ZNF721: variants seen among roughly 807,000 people sequenced by gnomAD.
The protein encoded by ZNF721 is zinc finger protein 721.
A neutral mutation model predicts 2.4 loss-of-function variants in ZNF721; 2 were observed. That is an observed-to-expected ratio of 0.82 (90% CI 0.34 to 2.58). The LOEUF is 2.58. ZNF721 is among the 30% of genes most tolerant of loss of function. The probability of loss-of-function intolerance (pLI) is 0.11; values close to 1 mark genes in which losing one functional copy is unlikely to be tolerated. For missense variants in ZNF721, 1,187 were observed against 1,085.5 expected (o/e 1.09, Z -1.31); for synonymous variants, 398 against 381.8 (o/e 1.04, Z -0.50).
At chr4:482,595 CAT>C (rs1715798062) in intron 1 of ZNF721, among the ~76,000 whole-genome samples, 2 of 152,258 alleles carry the variant, frequency 1.3e-5, no homozygotes, top group East Asian at 1.9e-4. Flanking sequence ...CTCCCAGGTT[CAT>C]ATGATTCTCC....
At chr4:460,627 C>CAAAAAA (rs199519505) in intron 2 of ZNF721, among the ~76,000 whole-genome samples, 1 of 101,386 alleles carries the variant, frequency 9.9e-6, no homozygotes, top group Non-Finnish European at 2.1e-5. Context: ...AAGACCCTTT[C>CAAAAAA]AAAAAAAAAA....
intron 1 of ZNF721, among the ~76,000 whole-genome samples, chr4:479,485 TAAG>T (rs148045108): frequency 0.024 from 3,632 of 152,108 alleles, 133 homozygotes; most frequent in African/African-American, 0.08. Context: ...ACAGGTGAAA[TAAG>T]AAGGTGTGGA....
At chr4:451,324 C>T (rs183978872) in intron 2 of ZNF721, among the ~76,000 whole-genome samples, 4 of 152,244 alleles carry the variant, frequency 2.6e-5, no homozygotes, top group Admixed American at 1.3e-4. Context: ...TATTCCTATA[C>T]GTTAGTTATT....
At chr4:459,838 A>T (rs1450950616) in intron 2 of ZNF721, among the ~76,000 whole-genome samples, 1 of 150,506 alleles carries the variant, frequency 6.6e-6, no homozygotes, top group East Asian at 2.0e-4. Flanking sequence ...CTCAAAAAAA[A>T]AAGGTGGGGG....
intron 1 of ZNF721, among the ~76,000 whole-genome samples, chr4:494,368 A>T (rs1716097668): frequency 6.6e-6 from 1 of 150,894 alleles, no homozygotes; most frequent in Non-Finnish European, 1.5e-5. Flanking sequence ...TTGTATGTTT[A>T]GTAGAGATGG....
rs554154418 is a variant in ZNF721, at chr4:491,102, T to A, written c.-94+7954A>T. ...GAGAAGAAAAATACTGACACGTGCA[T>A]CCTTACTTCTGGCTTTTGGGGGCTT... is the stretch of plus-strand genomic sequence containing the variant. On this transcript the variant is annotated intron_variant, in intron 1 of 2. Coordinates refer to ENST00000511833, the MANE Select transcript of ZNF721 (RefSeq NM_133474.4). Among the ~76,000 whole-genome samples the A allele has an allele frequency of 2.0e-5, 3 of 152,254 alleles. No homozygotes were observed. The South Asian group carries it at 6.2e-4, about 32-fold the overall frequency.
intron 2 of ZNF721, among the ~76,000 whole-genome samples, chr4:449,413 G>C (rs1714578450): frequency 6.6e-6 from 1 of 151,814 alleles, no homozygotes; most frequent in South Asian, 2.1e-4. Flanking sequence ...ATAAAACTAG[G>C]CTCCTACCTC....
At chr4:454,144 T>C (rs1273335718) in intron 2 of ZNF721, 3 of 152,252 alleles carry the variant, frequency 2.0e-5, no homozygotes, top group Non-Finnish European at 4.4e-5. Flanking sequence ...AGTAACTATA[T>C]TGCAGTCCCC....
At position 455,024 on chromosome 4, in the gene ZNF721, T is replaced by A. The variant is rs114525211; in HGVS notation, c.35-10592A>T. 5.2e-3 allele frequency among the ~76,000 whole-genome samples: 788 copies of A among 152,320 alleles called. 14 individuals carry two copies. In the South Asian group the frequency reaches 0.064, roughly 12 times the overall value. ...AGACCTCTCCTCATCTGTGCACGGA[T>A]GAATGGTGGACTCTAGAGCCCAGGC... is the stretch of plus-strand genomic sequence containing the variant. On this transcript the variant is annotated intron_variant, in intron 2 of 2. Transcript: ENST00000511833.
chr4:449,985 C>A (rs1002417611), intron 2 of ZNF721, among the ~76,000 whole-genome samples: 50 of 152,092 alleles, frequency 3.3e-4, no homozygotes, highest in Non-Finnish European at 4.7e-4. Context: ...AAATAAGTAT[C>A]ACAGGATAAC....
At position 441,446 on chromosome 4, in the gene ZNF721, T is replaced by A; in HGVS notation, c.*249A>T. 1 of 361,030 alleles carries A rather than the reference T, an allele frequency of 2.8e-6. No homozygotes were observed. The highest frequency in any genetic ancestry group is 5.0e-6 in the Non-Finnish European group (1 of 201,378). The allele number at this position is 361,030 out of a possible 1,614,324, so 22.4% of individuals were successfully genotyped here. Reference sequence around the variant, plus strand: ...GAATTGGAAGTCTTTGCCACATTTTTAATTTTAATTTGGCTTCTCATCAAT... The same window carrying A: ...GAATTGGAAGTCTTTGCCACATTTTAAATTTTAATTTGGCTTCTCATCAAT... On this transcript the variant is annotated 3_prime_UTR_variant, in exon 3 of 3. Transcript: ENST00000511833.
chr4:493,951 T>C (rs1437208142), intron 1 of ZNF721, among the ~76,000 whole-genome samples: 1 of 152,208 alleles, frequency 6.6e-6, no homozygotes, highest in Non-Finnish European at 1.5e-5. Context: ...TTTCTAATAT[T>C]ACTTTGCCAA....
chr4:492,131 C>A (rs1000262605), intron 1 of ZNF721, among the ~76,000 whole-genome samples: 2 of 151,700 alleles, frequency 1.3e-5, no homozygotes, highest in Admixed American at 1.3e-4. Context: ...CCACTGCACT[C>A]CAGTCTGGGT....
In ZNF721 at chr4:440,402, C is replaced by T. The variant is rs1236317269; in HGVS notation, c.*1293G>A. On this transcript the variant is annotated 3_prime_UTR_variant, in exon 3 of 3. Coordinates refer to ENST00000511833, the MANE Select transcript of ZNF721 (RefSeq NM_133474.4). The stretch of plus-strand genomic sequence containing the variant: ...TATTTGCTTTTGAAAAAAATTTTTA[C>T]TTTTTTCAAGTGAAAAAATATATTT... 6.6e-6 allele frequency: 1 copy of T among 152,014 alleles called. No homozygotes were observed. The highest frequency in any genetic ancestry group is 2.4e-5 in the African/African-American group (1 of 41,400). 9.4% of individuals were successfully genotyped at this position (152,014 alleles called of 1,614,324 possible).
intron 1 of ZNF721, among the ~76,000 whole-genome samples, chr4:477,523 C>T (rs1715663430): frequency 1.3e-5 from 2 of 152,094 alleles, no homozygotes; most frequent in African/African-American, 4.8e-5. Flanking sequence ...CAGGCATGAG[C>T]CACCGTGCCC....
chr4:470,954 C>G (rs537983073), intron 2 of ZNF721, among the ~76,000 whole-genome samples: 5 of 150,312 alleles, frequency 3.3e-5, no homozygotes, highest in South Asian at 2.1e-4. Flanking sequence ...GAGCTGAGAT[C>G]ATGCCACTGC....
Position 442,134 on chromosome 4 carries a change from T to C in ZNF721, c.2333A>G (p.Lys778Arg), listed in dbSNP as rs374783735. The C allele has an allele frequency of 2.5e-6, 4 of 1,613,658 alleles. No individual in the cohort carries two copies. The African/African-American group carries it at 4.0e-5, about 16-fold the overall frequency. Residue 778 changes from lysine to arginine, a missense_variant, in exon 3 of 3, where the codon AAG (lysine) becomes AGG (arginine). Transcript: ENST00000511833. ...ACATTCCTTACATTTGTAGGGTTTC[T>C]TTCCAGTATGAATTTTCTCATGTCT... is the stretch of plus-strand genomic sequence containing the variant. ...LNRHEKIHTG[K>R]KPYKCKECGK...
chr4:460,505 C>T (rs1487949257), intron 2 of ZNF721, among the ~76,000 whole-genome samples: 1 of 151,656 alleles, frequency 6.6e-6, no homozygotes, highest in African/African-American at 2.4e-5. Flanking sequence ...AAATTGACAC[C>T]TTATCATCAC....
At chr4:483,253 T>C (rs1553869781) in intron 1 of ZNF721, among the ~76,000 whole-genome samples, 1 of 152,164 alleles carries the variant, frequency 6.6e-6, no homozygotes, top group East Asian at 1.9e-4. Context: ...ACAAACAATC[T>C]ATAACATTGC....
Sources: gnomAD v4.1 joint callset for allele counts (sites outside exome capture counted in the v4.1 genomes callset) on GRCh38, gnomAD v4.1.1 for gene constraint, MANE v1.5 for transcripts, NCBI Gene and HGNC (gene_info 2026-07-23, HGNC 2026-07-21) for gene names.